COL4A5: variants seen among roughly 807,000 people sequenced by gnomAD.
COL4A5 encodes collagen type IV alpha 5 chain.
Under a neutral mutation model 130.2 loss-of-function variants are expected in COL4A5, and 26 were observed. The ratio of observed to expected loss-of-function variants is 0.20; its 90% confidence interval spans 0.15 to 0.28. COL4A5 has a LOEUF of 0.28. COL4A5 is among the 10% of genes least tolerant of loss of function. The probability of loss-of-function intolerance (pLI) is 1.00; values close to 1 mark genes in which losing one functional copy is unlikely to be tolerated. For missense variants in COL4A5, 1,131 were observed against 1,344.3 expected (o/e 0.84, Z 2.48); for synonymous variants, 496 against 439.6 (o/e 1.13, Z -1.60).
intron 3 of COL4A5, among the ~76,000 whole-genome samples, chrX:108,561,094 G>T (rs193077542): frequency 8.9e-6 from 1 of 111,749 alleles, no homozygotes; most frequent in Non-Finnish European, 1.9e-5. Context: ...GGTACATGAA[G>T]TACTAAAATG....
chrX:108,506,320 C>A (rs2147578124), intron 1 of COL4A5, among the ~76,000 whole-genome samples: 1 of 105,317 alleles, frequency 9.5e-6, no homozygotes, highest in Admixed American at 1.1e-4. Context: ...TGTTTTTTTT[C>A]CCACTAGCCT....
At chrX:108,448,343 A>AT (rs1472880297) in intron 1 of COL4A5, among the ~76,000 whole-genome samples, 2 of 112,695 alleles carry the variant, frequency 1.8e-5, no homozygotes, top group Non-Finnish European at 3.7e-5. Context: ...CAGTAATAAA[A>AT]TAAGACTTCA....
chrX:108,494,439 A>AT, intron 1 of COL4A5, among the ~76,000 whole-genome samples: 1 of 111,871 alleles, frequency 8.9e-6, no homozygotes. Flanking sequence ...TTCTTTCTAT[A>AT]TTTTTTTACT....
chrX:108,621,310 A>C (rs1603297746), intron 31 of COL4A5, among the ~76,000 whole-genome samples: 1 of 105,423 alleles, frequency 9.5e-6, no homozygotes, highest in Admixed American at 1.0e-4. Flanking sequence ...AGCACATACC[A>C]CCACACACAG....
At chrX:108,632,144 A>T (rs1461355317) in intron 36 of COL4A5, among the ~76,000 whole-genome samples, 1 of 111,684 alleles carries the variant, frequency 9.0e-6, no homozygotes, top group Admixed American at 9.5e-5. Flanking sequence ...GATAAAAGGA[A>T]TATCATCACC....
At chrX:108,511,316 A>G (rs1231692561) in intron 1 of COL4A5, among the ~76,000 whole-genome samples, 3 of 111,865 alleles carry the variant, frequency 2.7e-5, no homozygotes, top group African/African-American at 9.7e-5. Flanking sequence ...ATGCATTCAG[A>G]AATAAATTGC....
intron 4 of COL4A5, among the ~76,000 whole-genome samples, chrX:108,567,131 A>G (rs1257251445): frequency 9.0e-6 from 1 of 111,697 alleles, no homozygotes; most frequent in Non-Finnish European, 1.9e-5. Context: ...TGATGATAGG[A>G]TAATAGGATT....
intron 49 of COL4A5, 140 bp from the exon 50 acceptor site, chrX:108,692,608 T>C (rs2068653803): frequency 4.0e-6 from 2 of 495,275 alleles, no homozygotes. Context: ...GAGTAAATCT[T>C]AGACTTAAGA....
intron 1 of COL4A5, among the ~76,000 whole-genome samples, chrX:108,530,957 C>T (rs2065376837): frequency 1.0e-5 from 1 of 99,288 alleles, no homozygotes; most frequent in African/African-American, 3.7e-5. Flanking sequence ...TTGGAACCAA[C>T]CCAAATGTCC....
At chrX:108,656,986 CA>C (rs1377798761) in intron 37 of COL4A5, among the ~76,000 whole-genome samples, 1 of 111,367 alleles carries the variant, frequency 9.0e-6, no homozygotes, top group East Asian at 2.8e-4. Flanking sequence ...GTGTAATGAA[CA>C]AAAGTTGTTA....
chrX:108,597,438 T>G lies in COL4A5; in HGVS notation c.1649T>G (p.Ile550Ser). 1 of 1,210,855 alleles carries G rather than the reference T, an allele frequency of 8.3e-7. No individual in the cohort carries two copies. Among genetic ancestry groups the G allele is most frequent in the Non-Finnish European group, 1.1e-6 (1 of 895,102 alleles). ...FPGSKGEPGDILTFPGMKGDK... is the reference protein window; with the variant it reads ...FPGSKGEPGDSLTFPGMKGDK... The stretch of plus-strand genomic sequence containing the variant: ...GGATCTAAAGGTGAACCTGGTGATA[T>G]CCTCACTTTTCCAGGAATGAAGGGT... The change falls in exon 24 of 53, where the codon ATC (isoleucine) becomes AGC (serine). Residue 550 changes from isoleucine to serine, a missense_variant. Coordinates refer to ENST00000328300, the MANE Select transcript of COL4A5 (RefSeq NM_033380.3).
chrX:108,667,143 C>T lies in COL4A5; in HGVS notation c.3564C>T (p.Gly1188=). 2 of 1,210,980 alleles carry T rather than the reference C, an allele frequency of 1.7e-6. No individual in the cohort carries two copies. Among genetic ancestry groups the T allele is most frequent in the Non-Finnish European group, 2.2e-6 (2 of 894,745 alleles). The stretch of plus-strand genomic sequence containing the variant: ...TTTGTACTCTGACAGGTCAACCAGG[C>T]TTTGGAAACCCAGGACCCCCTGGAC... The part of the protein sequence containing the change: ...AGQKGEPGQP[G]FGNPGPPGLP... Residue 1188 remains glycine, a synonymous_variant, in exon 40 of 53, where the codon GGC becomes GGT. Coordinates refer to ENST00000328300, the MANE Select transcript of COL4A5 (RefSeq NM_033380.3).
chrX:108,644,919 C>CAAAAAAAAAA (rs778790757), intron 36 of COL4A5, among the ~76,000 whole-genome samples: 1 of 47,532 alleles, frequency 2.1e-5, no homozygotes, highest in Non-Finnish European at 5.2e-5. Context: ...ACAACAACAA[C>CAAAAAAAAAA]AAAAAAAAAA....
chrX:108,487,019 C>T (rs2064951159), intron 1 of COL4A5, among the ~76,000 whole-genome samples: 2 of 111,988 alleles, frequency 1.8e-5, no homozygotes, highest in Admixed American at 9.5e-5. Context: ...GGTAGATCTA[C>T]TTTTAGTTCT....
intron 36 of COL4A5, among the ~76,000 whole-genome samples, chrX:108,650,493 C>G (rs752318731): frequency 8.9e-6 from 1 of 111,932 alleles, no homozygotes; most frequent in African/African-American, 3.2e-5. Flanking sequence ...TATAGCAACA[C>G]AATTTGCAGT....
chrX:108,580,493 C>T (rs1437885392), intron 13 of COL4A5, 40 bp from the exon 14 acceptor site: 2 of 1,091,665 alleles, frequency 1.8e-6, no homozygotes, highest in African/African-American at 1.8e-5. Flanking sequence ...ATGCATGTTC[C>T]AGTATTAACA....
chrX:108,543,404 G>T (rs1466995981), intron 2 of COL4A5, among the ~76,000 whole-genome samples: 2 of 111,578 alleles, frequency 1.8e-5, no homozygotes, highest in East Asian at 5.6e-4. Flanking sequence ...GTTTGTGAAA[G>T]ATCAGAAAGT....
chrX:108,603,823 T>C (rs1291625298), intron 28 of COL4A5, among the ~76,000 whole-genome samples: 2 of 112,396 alleles, frequency 1.8e-5, no homozygotes, highest in Non-Finnish European at 3.8e-5. Flanking sequence ...TGCTGCTTTA[T>C]CAACTAAGTT....
intron 1 of COL4A5, among the ~76,000 whole-genome samples, chrX:108,537,290 T>C (rs2065470051): frequency 9.0e-6 from 1 of 111,479 alleles, no homozygotes. Flanking sequence ...GTCATTCTCA[T>C]AACCTAGGTG....
Sources: gnomAD v4.1 joint callset for allele counts (sites outside exome capture counted in the v4.1 genomes callset) on GRCh38, gnomAD v4.1.1 for gene constraint, MANE v1.5 for transcripts, NCBI Gene and HGNC (gene_info 2026-07-23, HGNC 2026-07-21) for gene names.